The following LRP1B variants were observed in gnomAD, a reference collection of about 807,000 sequenced individuals.
LRP1B encodes the protein low-density lipoprotein receptor-related protein 1B.
A neutral mutation model predicts 556.6 loss-of-function variants in LRP1B; 217 were observed. The observed-to-expected ratio is 0.39, with a 90% confidence interval of 0.35 to 0.44. The LOEUF (loss-of-function observed/expected upper bound fraction) is 0.44, where lower values mean the gene tolerates loss of function less well. Ranked by LOEUF, LRP1B falls within the 20% of genes least tolerant of loss-of-function variation. LRP1B has a pLI of 1.00. For missense variants in LRP1B, 5,053 were observed against 5,620.8 expected (o/e 0.90, Z 3.23); for synonymous variants, 2,047 against 1,865.8 (o/e 1.10, Z -2.50).
Position 140,291,298 on chromosome 2 carries a change from T to TTATATATATA in LRP1B, c.12967+6500_12967+6509dup, listed in dbSNP as rs66596182. On this transcript the variant is annotated intron_variant, in intron 84 of 90. Coordinates refer to ENST00000389484, the MANE Select transcript of LRP1B (RefSeq NM_018557.3). ...AGATACCACTTCAAGAAATTTTATT[T>TTATATATATA]TATATATATATATATATATATTTTT... Among the ~76,000 whole-genome samples, 121 of 71,994 alleles carry TTATATATATA rather than the reference T, an allele frequency of 1.7e-3. 8 individuals are homozygous for TTATATATATA. Among genetic ancestry groups the TTATATATATA allele is most frequent in the Middle Eastern group, 8.3e-3 (1 of 120 alleles). The allele number at this position is 71,994 out of a possible 152,430, so 47.2% of individuals were successfully genotyped here.
intron 2 of LRP1B, among the ~76,000 whole-genome samples, chr2:141,489,000 G>C (rs555703216): frequency 6.8e-6 from 1 of 147,768 alleles, no homozygotes; most frequent in Non-Finnish European, 1.5e-5. Flanking sequence ...TTTTTGAGAC[G>C]GGGTCTTGTT....
chr2:140,241,946 TCAA>T (rs771468227), intron 87 of LRP1B, among the ~76,000 whole-genome samples: 8 of 150,858 alleles, frequency 5.3e-5, no homozygotes, highest in Non-Finnish European at 1.2e-4. Context: ...AGGGGATATC[TCAA>T]CAAGTTTCTC....
intron 3 of LRP1B, among the ~76,000 whole-genome samples, chr2:141,321,803 T>C (rs1687253785): frequency 6.6e-6 from 1 of 152,168 alleles, no homozygotes; most frequent in South Asian, 2.1e-4. Context: ...TTTAAATTTG[T>C]AGTTTACAAA....
At chr2:140,827,909 CT>C (rs1434666084) in intron 31 of LRP1B, among the ~76,000 whole-genome samples, 1 of 152,154 alleles carries the variant, frequency 6.6e-6, no homozygotes, top group East Asian at 1.9e-4. Context: ...CTCCAATTCA[CT>C]TGGCAATAGA....
At chr2:141,543,464 T>C (rs1685340330) in intron 2 of LRP1B, among the ~76,000 whole-genome samples, 1 of 141,866 alleles carries the variant, frequency 7.0e-6, no homozygotes, top group South Asian at 2.2e-4. Flanking sequence ...GAGGTTGCAG[T>C]GAGCTGAGGT....
intron 9 of LRP1B, among the ~76,000 whole-genome samples, chr2:141,058,555 T>C (rs1272276835): frequency 6.6e-6 from 1 of 151,904 alleles, no homozygotes; most frequent in African/African-American, 2.4e-5. Flanking sequence ...TTTAAATTTG[T>C]CTACCAAAAT....
intron 1 of LRP1B, among the ~76,000 whole-genome samples, chr2:142,032,354 T>C (rs913582502): frequency 1.2e-4 from 18 of 151,850 alleles, no homozygotes; most frequent in African/African-American, 4.3e-4. Context: ...GCCTGTTATA[T>C]AATTCTTTGA....
At chr2:142,054,080 G>C (rs1259886681) in intron 1 of LRP1B, among the ~76,000 whole-genome samples, 1 of 152,034 alleles carries the variant, frequency 6.6e-6, no homozygotes, top group African/African-American at 2.4e-5. Context: ...ATTCCATCAT[G>C]CATATTTTTA....
intron 2 of LRP1B, among the ~76,000 whole-genome samples, chr2:141,601,642 CCTTTT>C (rs1687746127): frequency 7.4e-6 from 1 of 136,012 alleles, no homozygotes; most frequent in South Asian, 2.4e-4. Context: ...TTCCTTCCTT[CCTTTT>C]TTTTTCCTTC....
chr2:140,770,227 C>T (rs11688962), intron 34 of LRP1B, among the ~76,000 whole-genome samples: 64,226 of 151,420 alleles, frequency 0.42, 15,100 homozygotes, highest in East Asian at 0.58. Flanking sequence ...CAGTGCCATG[C>T]ACATAAGTAT....
chr2:141,393,024 C>T (rs182731648), intron 3 of LRP1B, among the ~76,000 whole-genome samples: 6 of 152,284 alleles, frequency 3.9e-5, no homozygotes, highest in Admixed American at 1.3e-4. Flanking sequence ...ATCTTTCTAT[C>T]TAGTTATGAC....
chr2:141,127,874 T>A (rs1195248367), intron 7 of LRP1B, among the ~76,000 whole-genome samples: 1 of 152,212 alleles, frequency 6.6e-6, no homozygotes, highest in Non-Finnish European at 1.5e-5. Flanking sequence ...TCTCTAGCTC[T>A]CTGAGATAGT....
At chr2:142,100,699 G>A (rs1055596336) in intron 1 of LRP1B, among the ~76,000 whole-genome samples, 2 of 151,966 alleles carry the variant, frequency 1.3e-5, no homozygotes, top group Non-Finnish European at 2.9e-5. Context: ...CTCTGTAAAT[G>A]AGTCATTAAC....
intron 3 of LRP1B, among the ~76,000 whole-genome samples, chr2:141,386,428 A>G (rs1689837475): frequency 6.6e-6 from 1 of 152,156 alleles, no homozygotes; most frequent in Non-Finnish European, 1.5e-5. Flanking sequence ...TAGGCAGAAT[A>G]TGCTTTTTAA....
intron 1 of LRP1B, among the ~76,000 whole-genome samples, chr2:141,881,711 C>A (rs1281340882): frequency 1.3e-5 from 2 of 151,462 alleles, no homozygotes; most frequent in Admixed American, 1.3e-4. Flanking sequence ...CTTTGAAATC[C>A]CCATATAAGC....
intron 37 of LRP1B, among the ~76,000 whole-genome samples, chr2:140,710,341 A>G (rs1359489341): frequency 6.6e-6 from 1 of 152,066 alleles, no homozygotes; most frequent in Non-Finnish European, 1.5e-5. Context: ...TGACAACAGG[A>G]AAAGAGATAT....
chr2:140,371,081 G>T, intron 70 of LRP1B, 98 bp downstream of exon 70: 1 of 889,190 alleles, frequency 1.1e-6, no homozygotes, highest in Non-Finnish European at 1.7e-6. Flanking sequence ...GTTAAACCAT[G>T]CTAAGAATCA....
chr2:141,320,466 C>T (rs573369662), intron 3 of LRP1B, among the ~76,000 whole-genome samples: 87 of 152,010 alleles, frequency 5.7e-4, no homozygotes, highest in Non-Finnish European at 1.0e-3. Context: ...GAAAAGAAAG[C>T]GTGCTGTAAA....
intron 5 of LRP1B, among the ~76,000 whole-genome samples, chr2:141,243,264 T>C (rs1239909793): frequency 6.6e-6 from 1 of 151,850 alleles, no homozygotes; most frequent in African/African-American, 2.4e-5. Flanking sequence ...AGGAGGATTG[T>C]TTGAGGCCAG....
Sources: allele counts gnomAD v4.1 joint callset (sites outside exome capture counted in the v4.1 genomes callset), GRCh38; gene constraint gnomAD v4.1.1; transcripts MANE v1.5; gene names NCBI Gene and HGNC (gene_info 2026-07-23, HGNC 2026-07-21).